Variants in ASXL3 observed in about 807,000 individuals in gnomAD.
The protein encoded by ASXL3 is putative Polycomb group protein ASXL3.
Under a neutral mutation model 170.6 loss-of-function variants are expected in ASXL3, and 34 were observed. That is an observed-to-expected ratio of 0.20 (90% confidence interval 0.15 to 0.27). The LOEUF is 0.27. Ranked by LOEUF, ASXL3 falls within the 10% of genes least tolerant of loss-of-function variation. ASXL3 has a pLI of 1.00. For missense variants in ASXL3, 2,592 were observed against 2,695.3 expected, an observed-to-expected ratio of 0.96 and a Z score of 0.85; for synonymous variants, 1,002 against 989.1, an observed-to-expected ratio of 1.01 and a Z score of -0.24.
In ASXL3 at chr18:33,578,842, G is replaced by A. The variant is rs144968249; in HGVS notation, c.54+157G>A. The A allele has an allele frequency of 3.3e-3, 1,217 of 366,480 alleles. 4 individuals carry two copies. The highest frequency in any genetic ancestry group is 4.2e-3 in the Non-Finnish European group (1,046 of 246,528). The allele number at this position is 366,480 out of a possible 1,614,324, so 22.7% of individuals were successfully genotyped here. On this transcript the variant is annotated intron_variant, in intron 1 of 11. Transcript: ENST00000269197. ...TTATTCTGCGGGAGTGGGCTCGCCC[G>A]GGGGCCCCTGTGTGTGTGCGTGCGC...
intron 1 of ASXL3, among the ~76,000 whole-genome samples, chr18:33,587,437 C>T (rs941724381): frequency 6.6e-6 from 1 of 152,102 alleles, no homozygotes; most frequent in Non-Finnish European, 1.5e-5. Context: ...TTCTAAATTG[C>T]TTTTCACAGC....
intron 8 of ASXL3, among the ~76,000 whole-genome samples, chr18:33,686,831 A>T (rs2066605112): frequency 1.3e-5 from 2 of 152,226 alleles, no homozygotes; most frequent in Admixed American, 6.5e-5. Context: ...GTGCCTGGGC[A>T]TAGAAGAAGG....
chr18:33,578,837 C>A, intron 1 of ASXL3, 152 bp downstream of exon 1: 2 of 384,182 alleles, frequency 5.2e-6, no homozygotes, highest in Non-Finnish European at 7.6e-6. Flanking sequence ...GGAGTGGGCT[C>A]GCCCGGGGGC....
At chr18:33,619,794 G>A (rs920804300) in intron 2 of ASXL3, among the ~76,000 whole-genome samples, 1 of 152,068 alleles carries the variant, frequency 6.6e-6, no homozygotes, top group Non-Finnish European at 1.5e-5. Context: ...ATTTTAGAAG[G>A]TGTCAATTTC....
Position 33,670,668 on chromosome 18 carries a change from T to A in ASXL3, c.478-5T>A. On this transcript the variant is annotated splice_polypyrimidine_tract_variant and splice_region_variant and intron_variant, in intron 5 of 11. Transcript: ENST00000269197. ...TATGTTATATCTTTTTATTATGTTT[T>A]GTAGGCTTTGAGGCAGCAGCAGAAA... The A allele has an allele frequency of 6.5e-7, 1 of 1,530,570 alleles. No individual in the cohort carries two copies. Among genetic ancestry groups the A allele is most frequent in the Non-Finnish European group, 8.8e-7 (1 of 1,132,790 alleles). The allele number at this position is 1,530,570 out of a possible 1,614,324, so 94.8% of individuals were successfully genotyped here.
intron 8 of ASXL3, among the ~76,000 whole-genome samples, chr18:33,687,829 C>T (rs1384878499): frequency 2.0e-5 from 3 of 152,116 alleles, no homozygotes; most frequent in Non-Finnish European, 4.4e-5. Context: ...GAAAGTCCAA[C>T]TCAAAGATTT....
intron 2 of ASXL3, among the ~76,000 whole-genome samples, chr18:33,644,484 T>G (rs1284489079): frequency 6.6e-6 from 1 of 151,476 alleles, no homozygotes; most frequent in African/African-American, 2.4e-5. Flanking sequence ...TTTTGTTTTT[T>G]TTTTTTTGAT....
At chr18:33,718,807 C>T (rs1274749206) in intron 8 of ASXL3, among the ~76,000 whole-genome samples, 1 of 151,718 alleles carries the variant, frequency 6.6e-6, no homozygotes, top group Non-Finnish European at 1.5e-5. Flanking sequence ...TAGCCCATTA[C>T]CTCCTCCATT....
At chr18:33,607,746 G>A (rs1196151081) in intron 2 of ASXL3, 70 bp downstream of exon 2, 1 of 1,130,920 alleles carries the variant, frequency 8.8e-7, no homozygotes, top group Non-Finnish European at 1.3e-6. Context: ...CTAAGCGATA[G>A]GTGTATCTAG....
chr18:33,671,690 T>C, intron 6 of ASXL3, 57 bp from the exon 7 acceptor site: 4 of 1,461,752 alleles, frequency 2.7e-6, no homozygotes, highest in Non-Finnish European at 3.7e-6. Flanking sequence ...ATTTTAGATT[T>C]TTCTTTTCAA....
chr18:33,670,860 TC>T, intron 6 of ASXL3, 70 bp downstream of exon 6: 2 of 1,044,440 alleles, frequency 1.9e-6, no homozygotes, highest in Non-Finnish European at 2.7e-6. Context: ...GAAAGAGATG[TC>T]ATGATTTTTT....
intron 1 of ASXL3, among the ~76,000 whole-genome samples, chr18:33,596,544 C>A (rs1364243694): frequency 1.3e-5 from 2 of 152,108 alleles, no homozygotes; most frequent in Non-Finnish European, 2.9e-5. Flanking sequence ...ATACGATTAT[C>A]TAAAGATATA....
chr18:33,630,371 T>C (rs2065659732), intron 2 of ASXL3, among the ~76,000 whole-genome samples: 1 of 151,380 alleles, frequency 6.6e-6, no homozygotes, highest in Non-Finnish European at 1.5e-5. Flanking sequence ...TTCAGTTTAC[T>C]ACAGAAACCT....
chr18:33,655,500 TTTC>T (rs2066068852), intron 4 of ASXL3, among the ~76,000 whole-genome samples: 1 of 152,042 alleles, frequency 6.6e-6, no homozygotes, highest in Non-Finnish European at 1.5e-5. Flanking sequence ...TTTACTGACT[TTTC>T]TTGGCAACTT....
At chr18:33,730,712 A>G (rs2067428631) in intron 8 of ASXL3, among the ~76,000 whole-genome samples, 1 of 152,196 alleles carries the variant, frequency 6.6e-6, no homozygotes, top group Non-Finnish European at 1.5e-5. Context: ...TATATTCAGA[A>G]TATAAATACA....
At position 33,740,292 on chromosome 18, in the gene ASXL3, A is replaced by C; in HGVS notation, c.2888A>C (p.Lys963Thr). ...GAAAGTAGAGATTCAGAGATATCAA[A>C]GAGAAAAACTGCAGAGCAACACAGC... Reference protein sequence around the residue: ...RNESRDSEISKRKTAEQHSFG... With the variant: ...RNESRDSEISTRKTAEQHSFG... Residue 963 changes from lysine to threonine, a missense_variant, in exon 11 of 12, where the codon AAG becomes ACG. By Grantham distance (78) the Lys-to-Thr change is moderately conservative. Coordinates refer to ENST00000269197, the MANE Select transcript of ASXL3 (RefSeq NM_030632.3). 6.2e-7 allele frequency: 1 copy of C among 1,612,512 alleles called. No individual in the cohort carries two copies. Among genetic ancestry groups the C allele is most frequent in the Non-Finnish European group, 8.5e-7 (1 of 1,179,148 alleles).
intron 4 of ASXL3, among the ~76,000 whole-genome samples, 186 bp downstream of exon 4, chr18:33,646,539 T>C (rs1185896999): frequency 1.3e-5 from 2 of 152,090 alleles, no homozygotes; most frequent in African/African-American, 2.4e-5. Flanking sequence ...TATATAGTTC[T>C]TTGCTTTTGT....
At chr18:33,685,028 A>G (rs1389797153) in intron 8 of ASXL3, among the ~76,000 whole-genome samples, 1 of 152,192 alleles carries the variant, frequency 6.6e-6, no homozygotes, top group Non-Finnish European at 1.5e-5. Context: ...TTTCTTGAAT[A>G]TGAAGCTGAG....
intron 9 of ASXL3, 104 bp downstream of exon 9, chr18:33,732,168 C>T: frequency 1.3e-6 from 1 of 788,974 alleles, no homozygotes; most frequent in Non-Finnish European, 1.9e-6. Context: ...ACACAGTACA[C>T]TTTAATTTAG....
Sources: gnomAD v4.1 joint callset for allele counts (sites outside exome capture counted in the v4.1 genomes callset) on GRCh38, gnomAD v4.1.1 for gene constraint, MANE v1.5 for transcripts, NCBI Gene and HGNC (gene_info 2026-07-23, HGNC 2026-07-21) for gene names.